TSC22D3: variants seen among roughly 807,000 people sequenced by gnomAD.
The protein encoded by TSC22D3 is TSC22 domain family protein 3.
TSC22D3 carries 4 observed loss-of-function variants against 11.1 expected under a neutral mutation model. The observed-to-expected ratio is 0.36, with a 90% CI of 0.18 to 0.83. TSC22D3 has a LOEUF of 0.83. TSC22D3 is among the 40% of genes least tolerant of loss of function. The pLI, the probability that TSC22D3 is intolerant of heterozygous loss-of-function variation, is 0.48. For synonymous variants in TSC22D3, 77 were observed against 70.3 expected, an observed-to-expected ratio of 1.10 and a Z score of -0.48; for missense variants, 118 against 159.4, an observed-to-expected ratio of 0.74 and a Z score of 1.40.
rs912853672 is a variant in TSC22D3 at position 107,775,747 on chromosome X, G to C, written c.-328C>G. The C allele has an allele frequency of 1.3e-5, 2 of 159,467 alleles. No homozygotes were observed. Among genetic ancestry groups the C allele is most frequent in the African/African-American group, 6.2e-5 (2 of 32,397 alleles). The allele number at this position is 159,467 out of a possible 1,213,427, so 13.1% of individuals were successfully genotyped here. On this transcript the variant is annotated 5_prime_UTR_variant, in exon 1 of 3. Coordinates refer to ENST00000372383, the MANE Select transcript of TSC22D3 (RefSeq NM_198057.3). ...ACACGCGGCCCCAGCGCAGTCCCAAGTTTCCCAAGTGTGAGCGGGGATTGG... is the reference window on the plus strand; with the variant it reads ...ACACGCGGCCCCAGCGCAGTCCCAACTTTCCCAAGTGTGAGCGGGGATTGG...
At chrX:107,771,380 A>C (rs1037499601) in intron 1 of TSC22D3, among the ~76,000 whole-genome samples, 1 of 111,845 alleles carries the variant, frequency 8.9e-6, no homozygotes, top group Non-Finnish European at 1.9e-5. Context: ...AGATCAGGAG[A>C]TCGAGACCAG....
chrX:107,739,852 T>C (rs189848960), intron 1 of TSC22D3, among the ~76,000 whole-genome samples: 1 of 112,096 alleles, frequency 8.9e-6, no homozygotes, highest in East Asian at 2.8e-4. Context: ...CCGCTTGGGG[T>C]CTTTGATCTG....
At chrX:107,734,878 T>TAA (rs781386272) in intron 1 of TSC22D3, among the ~76,000 whole-genome samples, 1,253 of 37,265 alleles carry the variant, frequency 0.034, 67 homozygotes, top group Middle Eastern at 0.081. Flanking sequence ...CAACTCTACG[T>TAA]AAAAAAAAAA....
chrX:107,732,253 A>G (rs1005038982), intron 1 of TSC22D3, among the ~76,000 whole-genome samples: 2 of 106,824 alleles, frequency 1.9e-5, no homozygotes, highest in Admixed American at 9.9e-5. Flanking sequence ...CCCTCCCCCA[A>G]ACTCCCTCCA....
At chrX:107,752,915 C>T (rs1405898821) in intron 1 of TSC22D3, among the ~76,000 whole-genome samples, 1 of 111,672 alleles carries the variant, frequency 9.0e-6, no homozygotes, top group Non-Finnish European at 1.9e-5. Flanking sequence ...TTCACAAAGA[C>T]AGCAAGAATT....
chrX:107,748,808 G>A (rs1255614741), intron 1 of TSC22D3, among the ~76,000 whole-genome samples: 1 of 112,401 alleles, frequency 8.9e-6, no homozygotes, highest in Non-Finnish European at 1.9e-5. Flanking sequence ...TTTAGAAATT[G>A]TCAAGTGCTA....
intron 1 of TSC22D3, among the ~76,000 whole-genome samples, chrX:107,754,208 G>A (rs749609270): frequency 1.8e-5 from 2 of 110,949 alleles, no homozygotes; most frequent in South Asian, 3.8e-4. Context: ...GTGAGCCACC[G>A]CGCCTGGCCT....
At chrX:107,759,264 T>A (rs1929323012) in intron 1 of TSC22D3, among the ~76,000 whole-genome samples, 1 of 111,308 alleles carries the variant, frequency 9.0e-6, no homozygotes, top group Non-Finnish European at 1.9e-5. Context: ...TCATTCTCTT[T>A]TTTTTGTCTT....
At chrX:107,747,724 G>A (rs962419350) in intron 1 of TSC22D3, among the ~76,000 whole-genome samples, 4 of 112,876 alleles carry the variant, frequency 3.5e-5, no homozygotes, top group Non-Finnish European at 7.5e-5. Context: ...TCTAAATACA[G>A]GCTGTTGCCA....
intron 1 of TSC22D3, among the ~76,000 whole-genome samples, chrX:107,756,587 T>G (rs1207822476): frequency 8.9e-6 from 1 of 112,241 alleles, no homozygotes; most frequent in African/African-American, 3.2e-5. Context: ...CTGCTGCAAA[T>G]GGCCAGGATA....
At chrX:107,745,187 G>A (rs1928596444) in intron 1 of TSC22D3, among the ~76,000 whole-genome samples, 1 of 111,590 alleles carries the variant, frequency 9.0e-6, no homozygotes. Flanking sequence ...ACAAGGGTGG[G>A]GTGCCTCACA....
chrX:107,750,484 G>C (rs1928886974), intron 1 of TSC22D3, among the ~76,000 whole-genome samples: 1 of 111,543 alleles, frequency 9.0e-6, no homozygotes, highest in African/African-American at 3.3e-5. Context: ...GGGCAAGAAG[G>C]CAAAGCGAGG....
At chrX:107,716,505 T>G in intron 1 of TSC22D3, 1 of 1,020,965 alleles carries the variant, frequency 9.8e-7, no homozygotes. Context: ...GACGCTTCGA[T>G]GACGGATCCC....
intron 1 of TSC22D3, among the ~76,000 whole-genome samples, chrX:107,757,986 A>C (rs1486608691): frequency 1.8e-5 from 2 of 111,275 alleles, no homozygotes; most frequent in Non-Finnish European, 3.8e-5. Context: ...AGATTGCACC[A>C]CTGCACTCCA....
intron 1 of TSC22D3, among the ~76,000 whole-genome samples, chrX:107,751,163 C>T (rs908411710): frequency 2.7e-5 from 3 of 111,978 alleles, no homozygotes; most frequent in Non-Finnish European, 3.8e-5. Flanking sequence ...CATTTGTGCT[C>T]GAAGGAAACA....
chrX:107,734,673 G>A (rs896523787), intron 1 of TSC22D3, among the ~76,000 whole-genome samples: 5 of 110,353 alleles, frequency 4.5e-5, no homozygotes, highest in African/African-American at 1.7e-4. Flanking sequence ...TCAGGCAGGT[G>A]AATGTGAAGA....
Position 107,721,832 on chromosome X carries a change from AAGCACT to A in TSC22D3, c.321-5888_321-5883del, listed in dbSNP as rs1927345023. On this transcript the variant is annotated intron_variant, in intron 1 of 2. Transcript: ENST00000372383. The stretch of plus-strand genomic sequence containing the variant: ...CTCCACTACGGGCCCCCTCCATCTG[AAGCACT>A]GTCTAGTTCTAATTACTTACTTGTC... 1.6e-5 allele frequency: 8 copies of A among 487,928 alleles called. No homozygotes were observed. The East Asian group carries it at 2.6e-4, about 16-fold the overall frequency. The allele number at this position is 487,928 out of a possible 1,213,427, so 40.2% of individuals were successfully genotyped here.
chrX:107,772,248 G>A (rs1197626341), intron 1 of TSC22D3, among the ~76,000 whole-genome samples: 1 of 111,655 alleles, frequency 9.0e-6, no homozygotes, highest in African/African-American at 3.3e-5. Context: ...AGGGGTGGGA[G>A]ACTAGCTTCT....
intron 1 of TSC22D3, among the ~76,000 whole-genome samples, chrX:107,741,119 G>A (rs1422304056): frequency 8.9e-6 from 1 of 111,762 alleles, no homozygotes; most frequent in Non-Finnish European, 1.9e-5. Flanking sequence ...GGATGAGGTT[G>A]TTGCCTTCAG....
Sources: gnomAD v4.1 joint callset for allele counts (sites outside exome capture counted in the v4.1 genomes callset) on GRCh38, gnomAD v4.1.1 for gene constraint, MANE v1.5 for transcripts, NCBI Gene and HGNC (gene_info 2026-07-23, HGNC 2026-07-21) for gene names.